The following ARB2A variants were observed in gnomAD, a reference collection of about 807,000 sequenced individuals.
The protein encoded by ARB2A is cotranscriptional regulator ARB2A.
chr5:93,705,074 G>C, the ARB2A span, among the ~76,000 whole-genome samples: 2 of 152,152 alleles, frequency 1.3e-5, no homozygotes, highest in African/African-American at 2.4e-5. Flanking sequence ...GGAGAGGAGA[G>C]AGGCAAGTTT....
At chr5:93,767,660 G>GTA in the ARB2A span, among the ~76,000 whole-genome samples, 26 of 151,962 alleles carry the variant, frequency 1.7e-4, no homozygotes, top group South Asian at 4.1e-4. Flanking sequence ...ACTGTGGTGT[G>GTA]TATATATATA....
At chr5:93,910,459 A>T in the ARB2A span, among the ~76,000 whole-genome samples, 105 of 151,460 alleles carry the variant, frequency 6.9e-4, no homozygotes, top group African/African-American at 2.4e-3. Flanking sequence ...CTTTAAACAA[A>T]TATGTAGAGT....
At chr5:93,622,710 A>C in the ARB2A span, among the ~76,000 whole-genome samples, 2 of 152,218 alleles carry the variant, frequency 1.3e-5, no homozygotes, top group African/African-American at 4.8e-5. Context: ...ACTCAGACTA[A>C]AAATGAGGTC....
the ARB2A span, among the ~76,000 whole-genome samples, chr5:93,825,035 T>C: frequency 2.2e-4 from 34 of 152,312 alleles, no homozygotes; most frequent in Admixed American, 9.1e-4. Flanking sequence ...TGCTTTGTCT[T>C]CAGGATTGTA....
At chr5:93,660,684 A>G in the ARB2A span, among the ~76,000 whole-genome samples, 3 of 152,130 alleles carry the variant, frequency 2.0e-5, no homozygotes, top group Non-Finnish European at 4.4e-5. Context: ...TTTTACATAG[A>G]GAAAGAGGTA....
the ARB2A span, among the ~76,000 whole-genome samples, chr5:93,961,630 G>A: frequency 6.6e-6 from 1 of 151,922 alleles, no homozygotes; most frequent in Non-Finnish European, 1.5e-5. Context: ...GCTGCACTAA[G>A]CCATGACTGC....
the ARB2A span, among the ~76,000 whole-genome samples, chr5:94,110,588 A>C: frequency 2.6e-5 from 4 of 152,202 alleles, no homozygotes; most frequent in Non-Finnish European, 5.9e-5. Flanking sequence ...ATCCAAAAAT[A>C]CTCTCTTACT....
the ARB2A span, among the ~76,000 whole-genome samples, chr5:93,708,088 T>C: frequency 6.6e-6 from 1 of 152,216 alleles, no homozygotes; most frequent in Non-Finnish European, 1.5e-5. Flanking sequence ...TTTCATTCCC[T>C]GTACATGTAT....
At chr5:93,915,961 C>T in the ARB2A span, among the ~76,000 whole-genome samples, 13 of 152,096 alleles carry the variant, frequency 8.5e-5, no homozygotes, top group African/African-American at 3.1e-4. Context: ...ATACACATAT[C>T]TCTTTACCAG....
At chr5:93,931,293 C>T in the ARB2A span, among the ~76,000 whole-genome samples, 1 of 152,028 alleles carries the variant, frequency 6.6e-6, no homozygotes, top group Admixed American at 6.6e-5. Context: ...GATGAAACCC[C>T]GTCTCTACTA....
chr5:93,904,132 G>A, the ARB2A span, among the ~76,000 whole-genome samples: 1 of 151,912 alleles, frequency 6.6e-6, no homozygotes, highest in African/African-American at 2.4e-5. Flanking sequence ...CTACTGTATA[G>A]ACTAAAGGGA....
the ARB2A span, among the ~76,000 whole-genome samples, chr5:94,000,216 T>C: frequency 6.6e-6 from 1 of 152,106 alleles, no homozygotes; most frequent in South Asian, 2.1e-4. Context: ...GGTGAGAGTA[T>C]GTTTACTTTT....
the ARB2A span, among the ~76,000 whole-genome samples, chr5:93,782,954 G>C: frequency 6.6e-6 from 1 of 151,958 alleles, no homozygotes; most frequent in Non-Finnish European, 1.5e-5. Flanking sequence ...ATTAATGGCA[G>C]GCTTGATTAA....
At chr5:94,110,620 G>A in the ARB2A span, among the ~76,000 whole-genome samples, 2 of 152,154 alleles carry the variant, frequency 1.3e-5, no homozygotes, top group Non-Finnish European at 2.9e-5. Context: ...TTCGCTAAAT[G>A]TATACAGTGT....
chr5:93,746,471 A>G, the ARB2A span, among the ~76,000 whole-genome samples: 1 of 152,164 alleles, frequency 6.6e-6, no homozygotes, highest in Non-Finnish European at 1.5e-5. Context: ...AATTTCTTTG[A>G]TTTCTTTAAT....
the ARB2A span, chr5:93,881,416 T>C: frequency 1.5e-6 from 2 of 1,304,362 alleles, no homozygotes; most frequent in Non-Finnish European, 2.2e-6. Flanking sequence ...CTACATATAA[T>C]AAAATATATA....
chr5:93,646,321 G>GTT, the ARB2A span, among the ~76,000 whole-genome samples: 1 of 149,614 alleles, frequency 6.7e-6, no homozygotes, highest in Non-Finnish European at 1.5e-5. Flanking sequence ...AAAAAATTCT[G>GTT]TTTTTTTTTC....
chr5:93,756,313 A>G, the ARB2A span, among the ~76,000 whole-genome samples: 1 of 152,278 alleles, frequency 6.6e-6, no homozygotes, highest in Non-Finnish European at 1.5e-5. Context: ...AAGGCAAAGG[A>G]CATATAATCT....
the ARB2A span, among the ~76,000 whole-genome samples, chr5:93,693,282 A>T: frequency 1.3e-5 from 2 of 152,310 alleles, no homozygotes; most frequent in African/African-American, 4.8e-5. Flanking sequence ...TTTTGAAAAG[A>T]TCAACAAAAT....
Sources: allele counts gnomAD v4.1 joint callset (sites outside exome capture counted in the v4.1 genomes callset), GRCh38; gene constraint gnomAD v4.1.1; transcripts MANE v1.5; gene names NCBI Gene and HGNC (gene_info 2026-07-23, HGNC 2026-07-21).